The following AGMO variants were observed in gnomAD, a reference collection of about 807,000 sequenced individuals.
The protein encoded by AGMO is glyceryl-ether monooxygenase.
AGMO carries 75 observed loss-of-function variants against 60.2 expected under a neutral mutation model. The ratio of observed to expected loss-of-function variants is 1.25; its 90% CI spans 1.03 to 1.51. The LOEUF is 1.51. Ranked by LOEUF, AGMO falls within the 40% of genes most tolerant of loss-of-function variation. The probability of loss-of-function intolerance (pLI) is 0.00; values close to 1 mark genes in which losing one functional copy is unlikely to be tolerated. For missense variants in AGMO, 763 were observed against 525.5 expected (o/e 1.45, Z -4.42); for synonymous variants, 261 against 177.1 (o/e 1.47, Z -3.76).
At chr7:15,264,613 G>T (rs1397030188) in intron 12 of AGMO, among the ~76,000 whole-genome samples, 1 of 151,926 alleles carries the variant, frequency 6.6e-6, no homozygotes, top group Non-Finnish European at 1.5e-5. Context: ...ATTAAAAAAT[G>T]GGCAAAGGAC....
chr7:15,364,912 A>G (rs796458988), intron 12 of AGMO, among the ~76,000 whole-genome samples: 29 of 152,192 alleles, frequency 1.9e-4, no homozygotes, highest in African/African-American at 7.0e-4. Flanking sequence ...TACACTCTCT[A>G]TTAATGCACT....
At chr7:15,293,583 CAA>C (rs1784334659) in intron 12 of AGMO, among the ~76,000 whole-genome samples, 1 of 152,038 alleles carries the variant, frequency 6.6e-6, no homozygotes, top group Non-Finnish European at 1.5e-5. Flanking sequence ...GTACTAGTTA[CAA>C]AAAACTGTTA....
At chr7:15,289,892 T>C (rs1176252682) in intron 12 of AGMO, among the ~76,000 whole-genome samples, 2 of 151,836 alleles carry the variant, frequency 1.3e-5, no homozygotes, top group African/African-American at 2.4e-5. Context: ...TTTTTCACTT[T>C]TGAGTGGCTG....
intron 2 of AGMO, among the ~76,000 whole-genome samples, chr7:15,555,270 C>CATATATATATATATAT (rs375890408): frequency 1.8e-5 from 2 of 114,102 alleles, no homozygotes; most frequent in African/African-American, 4.1e-5. Context: ...TGTATTGGAT[C>CATATATATATATATAT]ATATATATAT....
intron 12 of AGMO, among the ~76,000 whole-genome samples, chr7:15,329,847 C>G (rs778476124): frequency 2.0e-5 from 3 of 152,048 alleles, no homozygotes; most frequent in African/African-American, 7.2e-5. Context: ...TCATATCCCA[C>G]GAGCATCCTT....
intron 12 of AGMO, among the ~76,000 whole-genome samples, chr7:15,247,075 G>A (rs980732742): frequency 6.6e-6 from 1 of 151,532 alleles, no homozygotes; most frequent in Non-Finnish European, 1.5e-5. Flanking sequence ...AAAGTAATGG[G>A]ATTATATGCA....
At chr7:15,316,404 G>A (rs560306088) in intron 12 of AGMO, among the ~76,000 whole-genome samples, 28 of 152,200 alleles carry the variant, frequency 1.8e-4, no homozygotes, top group African/African-American at 6.5e-4. Context: ...GAAAACTGGG[G>A]GCCCACTTGA....
chr7:15,322,610 AT>A lies in AGMO; in HGVS notation c.1263+42903del, dbSNP rs1563086541. Among the ~76,000 whole-genome samples the A allele has an allele frequency of 5.0e-4, 31 of 61,744 alleles. 6 individuals carry two copies. Among genetic ancestry groups the A allele is most frequent in the African/African-American group, 3.0e-3 (31 of 10,320 alleles). 40.5% of individuals were successfully genotyped at this position (61,744 alleles called of 152,430 possible). On this transcript the variant is annotated intron_variant, in intron 12 of 12. Coordinates refer to ENST00000342526, the MANE Select transcript of AGMO (RefSeq NM_001004320.2). ...AATATATAAATATATATAAATATAT[AT>A]AAATATATAAATATATATAAATATA... is the stretch of plus-strand genomic sequence containing the variant.
intron 12 of AGMO, among the ~76,000 whole-genome samples, chr7:15,310,245 A>G (rs1173996708): frequency 6.6e-6 from 1 of 152,230 alleles, no homozygotes; most frequent in African/African-American, 2.4e-5. Context: ...AATCACATGT[A>G]GTAAATGATC....
intron 3 of AGMO, among the ~76,000 whole-genome samples, chr7:15,465,474 G>C (rs1427876539): frequency 6.6e-6 from 1 of 150,966 alleles, no homozygotes; most frequent in African/African-American, 2.4e-5. Flanking sequence ...CCAGGCTGGA[G>C]AACAGTGGCA....
At chr7:15,283,361 T>G (rs1482414410) in intron 12 of AGMO, among the ~76,000 whole-genome samples, 1 of 151,716 alleles carries the variant, frequency 6.6e-6, no homozygotes, top group African/African-American at 2.4e-5. Context: ...TAAAGATTCA[T>G]ATAAACTCAA....
At chr7:15,517,787 T>C (rs1387891801) in intron 3 of AGMO, among the ~76,000 whole-genome samples, 1 of 152,032 alleles carries the variant, frequency 6.6e-6, no homozygotes, top group Non-Finnish European at 1.5e-5. Flanking sequence ...TTTTTTTTTG[T>C]ACCCCAGTGG....
chr7:15,501,837 G>T (rs1396084041), intron 3 of AGMO, among the ~76,000 whole-genome samples: 1 of 151,816 alleles, frequency 6.6e-6, no homozygotes, highest in Admixed American at 6.6e-5. Flanking sequence ...TAATCCCAGG[G>T]AAATAAATCA....
At chr7:15,417,071 T>C (rs1780793783) in intron 5 of AGMO, among the ~76,000 whole-genome samples, 1 of 152,148 alleles carries the variant, frequency 6.6e-6, no homozygotes, top group Non-Finnish European at 1.5e-5. Flanking sequence ...TTCAGAAATG[T>C]TTTCACGGTT....
chr7:15,438,001 G>C (rs1290695172), intron 3 of AGMO, among the ~76,000 whole-genome samples: 3 of 151,770 alleles, frequency 2.0e-5, no homozygotes, highest in African/African-American at 7.3e-5. Flanking sequence ...TTTTATTCGT[G>C]TTCAGATGGA....
At chr7:15,175,896 C>G in the AGMO span, among the ~76,000 whole-genome samples, 3 of 151,830 alleles carry the variant, frequency 2.0e-5, no homozygotes, top group African/African-American at 7.2e-5. Flanking sequence ...TTGTATTATA[C>G]ATCATCAGTA....
the AGMO span, among the ~76,000 whole-genome samples, chr7:15,148,257 AT>A: frequency 1.3e-5 from 2 of 152,006 alleles, no homozygotes; most frequent in South Asian, 4.1e-4. Context: ...TATGAGTAAA[AT>A]GTATTTTGCT....
At chr7:15,469,179 C>T (rs181199765) in intron 3 of AGMO, among the ~76,000 whole-genome samples, 9 of 152,014 alleles carry the variant, frequency 5.9e-5, no homozygotes, top group Non-Finnish European at 1.0e-4. Flanking sequence ...CTCACATGTG[C>T]TTTAGAATTG....
At chr7:15,277,901 G>A (rs1405066807) in intron 12 of AGMO, among the ~76,000 whole-genome samples, 1 of 152,086 alleles carries the variant, frequency 6.6e-6, no homozygotes, top group Non-Finnish European at 1.5e-5. Flanking sequence ...TGATGACAAG[G>A]GCGCTAGCCC....
Sources: gnomAD v4.1 joint callset for allele counts (sites outside exome capture counted in the v4.1 genomes callset) on GRCh38, gnomAD v4.1.1 for gene constraint, MANE v1.5 for transcripts, NCBI Gene and HGNC (gene_info 2026-07-23, HGNC 2026-07-21) for gene names.